RGS3: variants seen among roughly 807,000 people sequenced by gnomAD.
RGS3 encodes the protein regulator of G-protein signalling 3.
In RGS3, 80 loss-of-function variants were observed where a neutral mutation model predicts 132.6. The ratio of observed to expected loss-of-function variants is 0.60; its 90% CI spans 0.50 to 0.73. The LOEUF (loss-of-function observed/expected upper bound fraction) is 0.73. Ranked by LOEUF, RGS3 falls within the 30% of genes least tolerant of loss-of-function variation. The probability of loss-of-function intolerance (pLI) is 0.00; values close to 1 mark genes in which losing one functional copy is unlikely to be tolerated. For synonymous variants in RGS3, 598 were observed against 620.6 expected, an observed-to-expected ratio of 0.96 and a Z score of 0.54; for missense variants, 1,382 against 1,530.8, an observed-to-expected ratio of 0.90 and a Z score of 1.62.
chr9:113,452,134 G>A (rs555400218), intron 1 of RGS3, among the ~76,000 whole-genome samples: 1 of 152,174 alleles, frequency 6.6e-6, no homozygotes, highest in Non-Finnish European at 1.5e-5. Flanking sequence ...GAGTAGCTAG[G>A]ACTACAGGCA....
intron 17 of RGS3, 44 bp downstream of exon 15, chr9:113,523,085 C>T: frequency 1.6e-6 from 2 of 1,255,762 alleles, no homozygotes; most frequent in South Asian, 1.2e-5. Flanking sequence ...TCAACTTGCC[C>T]CAGTCCCACT....
upstream of RGS3, among the ~76,000 whole-genome samples, chr9:113,458,939 A>G (rs1829414271): frequency 6.6e-6 from 1 of 152,114 alleles, no homozygotes; most frequent in African/African-American, 2.4e-5. Flanking sequence ...TTTAGCAAAC[A>G]TGGGTTTCAC....
intron 18 of RGS3, among the ~76,000 whole-genome samples, chr9:113,534,184 C>A (rs1226598211): frequency 6.6e-6 from 1 of 152,206 alleles, no homozygotes; most frequent in East Asian, 1.9e-4. Flanking sequence ...CAGCTCAAGG[C>A]CTGCTTTCGC....
intron 18 of RGS3, 129 bp downstream of exon 16, chr9:113,529,393 A>G (rs1832367733): frequency 1.2e-6 from 1 of 824,982 alleles, no homozygotes; most frequent in African/African-American, 1.7e-5. Flanking sequence ...AGTCCTGGGC[A>G]AGGCCAGAGT....
At position 113,591,183 on chromosome 9, in the gene RGS3, G is replaced by T; in HGVS notation, c.3016-150G>T. The stretch of plus-strand genomic sequence containing the variant: ...CATGGCCAGGCTGTTCCCAGCAGTG[G>T]GGTTTCCCTCCCTCACCTGTGTGCC... On this transcript the variant is annotated intron_variant, in intron 20 of 24. Coordinates refer to ENST00000350696, the Ensembl canonical transcript of RGS3. The surrounding 1 kb of genome is among the most constrained non-coding windows in gnomAD (Gnocchi z 4.4). The T allele has an allele frequency of 1.5e-6, 1 of 646,822 alleles. No individual in the cohort carries two copies. Among genetic ancestry groups the T allele is most frequent in the East Asian group, 2.7e-5 (1 of 37,098 alleles). 40.1% of individuals were successfully genotyped at this position (646,822 alleles called of 1,614,324 possible). A position where few individuals can be genotyped will look rare whatever the true frequency, so the allele number is the denominator to read the frequency against.
chr9:113,577,810 G>A lies in RGS3; in HGVS notation c.2038-5640G>A, dbSNP rs538359156. Among the ~76,000 whole-genome samples the A allele has an allele frequency of 1.8e-4, 28 of 152,326 alleles. 1 individual carries two copies. Among genetic ancestry groups the A allele is most frequent in the African/African-American group, 6.0e-4 (25 of 41,572 alleles). ...TCCCCTGGACTCTCTCACAGCACCCGAGGGTTTTCCTTCACACTGCAGATC... is the reference window on the plus strand; with the variant it reads ...TCCCCTGGACTCTCTCACAGCACCCAAGGGTTTTCCTTCACACTGCAGATC... On this transcript the variant is annotated intron_variant, in intron 19 of 24. Transcript: ENST00000350696.
At chr9:113,569,017 A>T (rs1328397282) in intron 19 of RGS3, among the ~76,000 whole-genome samples, 1 of 152,090 alleles carries the variant, frequency 6.6e-6, no homozygotes, top group Non-Finnish European at 1.5e-5. Context: ...ATCACTCGAG[A>T]TGTGTGGATA....
intron 18 of RGS3, among the ~76,000 whole-genome samples, chr9:113,530,263 A>G (rs1340214314): frequency 6.6e-6 from 1 of 152,212 alleles, no homozygotes; most frequent in Non-Finnish European, 1.5e-5. Flanking sequence ...AGAGTTTTTG[A>G]ACAGCCCCCT....
At chr9:113,447,501 T>A (rs992016780) in intron 1 of RGS3, among the ~76,000 whole-genome samples, 4 of 150,730 alleles carry the variant, frequency 2.7e-5, no homozygotes, top group Non-Finnish European at 4.4e-5. Flanking sequence ...TTTTTGGGGG[T>A]CTATATTACT....
chr9:113,557,403 T>C (rs1160643091), intron 19 of RGS3, among the ~76,000 whole-genome samples: 1 of 152,238 alleles, frequency 6.6e-6, no homozygotes, highest in Admixed American at 6.5e-5. Context: ...CTGATCCTCA[T>C]TGGCCCAAGT....
intron 19 of RGS3, among the ~76,000 whole-genome samples, chr9:113,542,249 A>T (rs1037595650): frequency 1.3e-5 from 2 of 152,068 alleles, no homozygotes; most frequent in East Asian, 3.9e-4. Flanking sequence ...GATGGGAAGG[A>T]GCTCAGTGGG....
chr9:113,492,294 C>G (rs1830545483), intron 7 of RGS3, among the ~76,000 whole-genome samples: 1 of 152,152 alleles, frequency 6.6e-6, no homozygotes. Context: ...GTTCCCTCTG[C>G]CCAAAATGCT....
chr9:113,538,806 G>A (rs1365616866), intron 19 of RGS3, among the ~76,000 whole-genome samples: 1 of 152,174 alleles, frequency 6.6e-6, no homozygotes, highest in Non-Finnish European at 1.5e-5. Context: ...GATGAAGGAG[G>A]GGGCCCAAGT....
intron 19 of RGS3, among the ~76,000 whole-genome samples, chr9:113,542,370 A>G (rs1251382792): frequency 6.6e-6 from 1 of 152,220 alleles, no homozygotes; most frequent in Non-Finnish European, 1.5e-5. Flanking sequence ...CTGGAGAGCC[A>G]TTGAAGGCTT....
chr9:113,480,049 G>A (rs531721795), intron 4 of RGS3, among the ~76,000 whole-genome samples: 4 of 152,300 alleles, frequency 2.6e-5, no homozygotes, highest in South Asian at 2.1e-4. Flanking sequence ...GTCAAGTAGT[G>A]GTGGTAATAC....
intron 19 of RGS3, among the ~76,000 whole-genome samples, chr9:113,577,698 A>G (rs545812142): frequency 1.3e-5 from 2 of 152,122 alleles, no homozygotes; most frequent in South Asian, 4.1e-4. Flanking sequence ...GCTTTGGCCT[A>G]TGCTGCTTCC....
chr9:113,449,136 T>A (rs1829184172), intron 1 of RGS3, among the ~76,000 whole-genome samples: 1 of 152,170 alleles, frequency 6.6e-6, no homozygotes, highest in Non-Finnish European at 1.5e-5. Flanking sequence ...AATGCTAATC[T>A]AATGGCAGAG....
chr9:113,479,022 C>T (rs765736783), intron 3 of RGS3: 19 of 170,954 alleles, frequency 1.1e-4, no homozygotes, highest in African/African-American at 2.6e-4. Context: ...TTTGTGTGCA[C>T]GTGCTTGTGT....
intron 19 of RGS3, chr9:113,541,573 G>A: frequency 3.6e-6 from 5 of 1,403,902 alleles, no homozygotes; most frequent in Non-Finnish European, 4.6e-6. Flanking sequence ...GGTCCCAAGG[G>A]TGCATGTGGA....
Sources: gnomAD v4.1 joint callset for allele counts (sites outside exome capture counted in the v4.1 genomes callset) on GRCh38, gnomAD v4.1.1 for gene constraint, Gnocchi (gnomAD v3.1) non-coding constraint, MANE v1.5 for transcripts, NCBI Gene and HGNC (gene_info 2026-07-23, HGNC 2026-07-21) for gene names.